Variants in LTBP1 observed in about 807,000 individuals in gnomAD.
The protein encoded by LTBP1 is latent transforming growth factor beta binding protein 1.
Under a neutral mutation model 207.6 loss-of-function variants are expected in LTBP1, and 129 were observed. The ratio of observed to expected loss-of-function variants is 0.62; its 90% CI spans 0.54 to 0.72. LTBP1 has a LOEUF of 0.72. Ranked by LOEUF, LTBP1 falls within the 30% of genes least tolerant of loss-of-function variation. The pLI, the probability that LTBP1 is intolerant of heterozygous loss-of-function variation, is 0.00. For synonymous variants in LTBP1, 963 were observed against 833.7 expected (o/e 1.16, Z -2.67); for missense variants, 2,281 against 2,217.2 (o/e 1.03, Z -0.58).
At chr2:33,060,895 CT>C (rs202233860) in intron 3 of LTBP1, among the ~76,000 whole-genome samples, 77 of 151,544 alleles carry the variant, frequency 5.1e-4, no homozygotes, top group East Asian at 2.3e-3. Context: ...AATTATATTA[CT>C]TTTTTTTTCT....
intron 9 of LTBP1, among the ~76,000 whole-genome samples, chr2:33,239,304 C>T (rs1251211781): frequency 6.6e-6 from 1 of 152,186 alleles, no homozygotes; most frequent in Non-Finnish European, 1.5e-5. Flanking sequence ...AACTTCTAGA[C>T]TGCCTGCCTG....
At chr2:33,327,766 AAG>A (rs1264341552) in intron 24 of LTBP1, among the ~76,000 whole-genome samples, 1 of 152,150 alleles carries the variant, frequency 6.6e-6, no homozygotes, top group Non-Finnish European at 1.5e-5. Flanking sequence ...TTGAAATGGT[AAG>A]AGAGTCTCTA....
chr2:33,111,272 T>C (rs117331799), intron 4 of LTBP1, among the ~76,000 whole-genome samples: 1,571 of 152,266 alleles, frequency 0.01, 18 homozygotes, highest in East Asian at 0.016. Context: ...GCTTGGTTAA[T>C]ATCTCGCTAT....
chr2:32,997,835 G>T (rs566577793), intron 2 of LTBP1, among the ~76,000 whole-genome samples: 1 of 152,284 alleles, frequency 6.6e-6, no homozygotes, highest in South Asian at 2.1e-4. Context: ...CATAGCAGGA[G>T]CCCCACCCAG....
intron 24 of LTBP1, among the ~76,000 whole-genome samples, chr2:33,325,813 A>G (rs1417926202): frequency 6.6e-6 from 1 of 152,126 alleles, no homozygotes; most frequent in East Asian, 1.9e-4. Flanking sequence ...TCCTTATTTC[A>G]TAGTAAACTG....
intron 3 of LTBP1, among the ~76,000 whole-genome samples, chr2:33,097,604 G>A (rs1343829324): frequency 6.6e-6 from 1 of 151,988 alleles, no homozygotes. Context: ...ACTTTATAAT[G>A]GTACCACTCT....
At chr2:33,377,889 A>C (rs1180199981) in intron 31 of LTBP1, among the ~76,000 whole-genome samples, 1 of 151,906 alleles carries the variant, frequency 6.6e-6, no homozygotes, top group Non-Finnish European at 1.5e-5. Context: ...GAAACCATCA[A>C]CTCTCCTGAG....
Position 32,947,433 on chromosome 2 carries a change from G to C in LTBP1, c.109G>C (p.Gly37Arg). The C allele has an allele frequency of 6.9e-7, 1 of 1,441,342 alleles. No homozygotes were observed. The highest frequency in any genetic ancestry group is 9.1e-7 in the Non-Finnish European group (1 of 1,099,816). The allele number at this position is 1,441,342 out of a possible 1,614,324, so 89.3% of individuals were successfully genotyped here. ...CACCTACGTGGTGCACCCGGGCCCC[G>C]GCCTGGCAGCCGGCGCCTTGCCCCT... is the stretch of plus-strand genomic sequence containing the variant. ...RITYVVHPGP[G>R]LAAGALPLSG... Residue 37 changes from glycine to arginine, a missense_variant, in exon 1 of 34, where the codon GGC (glycine) becomes CGC (arginine). Physicochemically the swap from Gly to Arg is moderately radical, Grantham distance 125 (BLOSUM62 -2). Transcript: ENST00000404816.
intron 2 of LTBP1, among the ~76,000 whole-genome samples, chr2:32,977,164 C>CT (rs1257141558): frequency 2.0e-5 from 3 of 152,200 alleles, no homozygotes; most frequent in Non-Finnish European, 4.4e-5. Context: ...TGGCTACCGG[C>CT]TTTGGGGGTG....
At chr2:33,297,961 T>C (rs553344345) in intron 20 of LTBP1, among the ~76,000 whole-genome samples, 1 of 152,190 alleles carries the variant, frequency 6.6e-6, no homozygotes, top group Non-Finnish European at 1.5e-5. Context: ...TCTGGATCCA[T>C]CTGATGTTTT....
In LTBP1 at chr2:33,001,614, G is replaced by A. The variant is rs113429959; in HGVS notation, c.566-19295G>A. 6.3e-4 allele frequency among the ~76,000 whole-genome samples: 85 copies of A among 134,880 alleles called. 14 individuals carry two copies. Among genetic ancestry groups the A allele is most frequent in the African/African-American group, 2.0e-3 (79 of 38,716 alleles). The allele number at this position is 134,880 out of a possible 152,430, so 88.5% of individuals were successfully genotyped here. ...CAGTGTCAGTTGGGATTATGGCTCA[G>A]TCCTGCTCTGCACTAATTAGGTTTT... On this transcript the variant is annotated intron_variant, in intron 2 of 33. Transcript: ENST00000404816.
chr2:33,043,166 C>T (rs2076275413), intron 3 of LTBP1, among the ~76,000 whole-genome samples: 1 of 152,160 alleles, frequency 6.6e-6, no homozygotes, highest in African/African-American at 2.4e-5. Flanking sequence ...CATGTCTCAG[C>T]TTGAAAACAT....
intron 31 of LTBP1, among the ~76,000 whole-genome samples, chr2:33,382,074 C>CTTTTTTTTTTTTTTTTTTTTTT (rs70938398): frequency 4.3e-5 from 2 of 46,764 alleles, no homozygotes; most frequent in Non-Finnish European, 8.0e-5. Context: ...CCTACTGCTT[C>CTTTTTTTTTTTTTTTTTTTTTT]TTTTTTTTTT....
rs201873946 is a variant in LTBP1 at position 32,969,229 on chromosome 2, TTGTGTGTGTGTGTG to T, written c.565+20314_565+20327del. Among the ~76,000 whole-genome samples the T allele has an allele frequency of 4.9e-4, 65 of 131,710 alleles. 2 individuals are homozygous for T. In the South Asian group the frequency reaches 0.014, roughly 29 times the overall value. 86.4% of individuals were successfully genotyped at this position (131,710 alleles called of 152,430 possible). A position where few individuals can be genotyped will look rare whatever the true frequency, so the allele number is the denominator to read the frequency against. Reference sequence around the variant, plus strand: ...GTGTGAGCCATGGCACCTGGCCAATTTGTGTGTGTGTGTGTGTGTGTGTGTGTGTGTGTGTGTGT... The same window carrying T: ...GTGTGAGCCATGGCACCTGGCCAATTTGTGTGTGTGTGTGTGTGTGTGTGT... On this transcript the variant is annotated intron_variant, in intron 2 of 33. Coordinates refer to ENST00000404816, the MANE Select transcript of LTBP1 (RefSeq NM_206943.4).
intron 2 of LTBP1, among the ~76,000 whole-genome samples, chr2:33,017,179 T>C (rs1407100499): frequency 6.6e-6 from 1 of 152,198 alleles, no homozygotes; most frequent in African/African-American, 2.4e-5. Flanking sequence ...TGGCAATGTA[T>C]AGATATGGAA....
At chr2:33,034,300 A>C (rs187219173) in intron 3 of LTBP1, among the ~76,000 whole-genome samples, 8 of 152,204 alleles carry the variant, frequency 5.3e-5, no homozygotes, top group Non-Finnish European at 1.2e-4. Flanking sequence ...GAAAAAGAAT[A>C]CTGAAAACAT....
chr2:33,369,321 C>T (rs1181402424), intron 31 of LTBP1, among the ~76,000 whole-genome samples: 23 of 152,266 alleles, frequency 1.5e-4, no homozygotes, highest in Non-Finnish European at 2.4e-4. Context: ...TCAGTGCTTT[C>T]CAATCCGTTA....
At chr2:33,326,768 C>G (rs1271083404) in intron 24 of LTBP1, among the ~76,000 whole-genome samples, 3 of 151,962 alleles carry the variant, frequency 2.0e-5, no homozygotes, top group African/African-American at 7.3e-5. Context: ...AAGCGATTCT[C>G]CTGCCTCAGC....
rs549343835 is a variant in LTBP1 at position 33,177,168 on chromosome 2, T to G, written c.1202-9688T>G. Among the ~76,000 whole-genome samples the G allele has an allele frequency of 4.6e-5, 7 of 152,312 alleles. No individual in the cohort carries two copies. The South Asian group carries it at 1.4e-3, about 32-fold the overall frequency. Reference sequence around the variant, plus strand: ...ATGTCTATGCTCTGTATTCTCCCCATGGTGAGACAGTTACATTAGTGTAAT... The same window carrying G: ...ATGTCTATGCTCTGTATTCTCCCCAGGGTGAGACAGTTACATTAGTGTAAT... On this transcript the variant is annotated intron_variant, in intron 5 of 33. Transcript: ENST00000404816.
Sources: allele counts gnomAD v4.1 joint callset (sites outside exome capture counted in the v4.1 genomes callset), GRCh38; gene constraint gnomAD v4.1.1; transcripts MANE v1.5; gene names NCBI Gene and HGNC (gene_info 2026-07-23, HGNC 2026-07-21).